Variants in ADGRB1 observed in about 807,000 individuals in gnomAD.
The protein encoded by ADGRB1 is brain-specific angiogenesis inhibitor 1.
In ADGRB1, 36 loss-of-function variants were observed where a neutral mutation model predicts 175.7. The observed-to-expected ratio is 0.20, with a 90% CI of 0.16 to 0.27. The LOEUF is 0.27. ADGRB1 is among the 10% of genes least tolerant of loss of function. The pLI is 1.00. For synonymous variants in ADGRB1, 1,054 were observed against 979.4 expected, an observed-to-expected ratio of 1.08 and a Z score of -1.42; for missense variants, 1,731 against 2,255.3, an observed-to-expected ratio of 0.77 and a Z score of 4.71.
At chr8:142,465,899 G>A (rs1840251784) in intron 2 of ADGRB1, among the ~76,000 whole-genome samples, 1 of 152,180 alleles carries the variant, frequency 6.6e-6, no homozygotes, top group Non-Finnish European at 1.5e-5. Flanking sequence ...GTCCTGTGGG[G>A]CTGCCAGCCT....
chr8:142,533,164 C>A, intron 24 of ADGRB1, 131 bp from the exon 25 acceptor site: 1 of 1,083,750 alleles, frequency 9.2e-7, no homozygotes, highest in Non-Finnish European at 1.3e-6. Flanking sequence ...GGCTGCTTGG[C>A]CCAGGCCCCC....
At chr8:142,534,305 G>T (rs1262269184) in intron 25 of ADGRB1, among the ~76,000 whole-genome samples, 1 of 152,236 alleles carries the variant, frequency 6.6e-6, no homozygotes, top group Non-Finnish European at 1.5e-5. Context: ...CCGGCCTTAG[G>T]TGGCGATTTC....
At chr8:142,518,291 C>T (rs1477759222) in intron 19 of ADGRB1, 50 bp downstream of exon 19, 2 of 1,573,666 alleles carry the variant, frequency 1.3e-6, no homozygotes, top group Admixed American at 1.7e-5. Context: ...TCCTGCATCA[C>T]ACGCCTCTTC....
chr8:142,462,554 C>G (rs1840025982), intron 1 of ADGRB1, among the ~76,000 whole-genome samples: 2 of 152,372 alleles, frequency 1.3e-5, no homozygotes, highest in East Asian at 3.9e-4. Flanking sequence ...GCCCAGCTCC[C>G]TGCTCTGCCT....
chr8:142,523,366 G>A lies in ADGRB1; in HGVS notation c.3245+656G>A, dbSNP rs62513301. 5.6e-3 allele frequency among the ~76,000 whole-genome samples: 846 copies of A among 150,100 alleles called. 5 individuals are homozygous for A. Among genetic ancestry groups the A allele is most frequent in the Non-Finnish European group, 9.3e-3 (629 of 67,638 alleles). The stretch of plus-strand genomic sequence containing the variant: ...TGCAGGGAGGGGAGCAGTGGGGAGC[G>A]CGAGGCAGGAGGAAGTGACTGATGC... On this transcript the variant is annotated intron_variant, in intron 22 of 30. Transcript: ENST00000517894.
rs994218757 is a variant in ADGRB1 at position 142,474,509 on chromosome 8, C to T, written c.785-965C>T. On this transcript the variant is annotated intron_variant, in intron 2 of 30. Coordinates refer to ENST00000517894, the MANE Select transcript of ADGRB1 (RefSeq NM_001702.3). The surrounding 1 kb of genome is among the most constrained non-coding windows in gnomAD (Gnocchi z 5.8). ...GAGGCCTGGACGCGGCAGCCCCTTC[C>T]CGGCCCCCTGGTGCTGCTGCCCCTC... is the stretch of plus-strand genomic sequence containing the variant. Among the ~76,000 whole-genome samples, 24 of 152,176 alleles carry T rather than the reference C, an allele frequency of 1.6e-4. 1 individual carries two copies. The highest frequency in any genetic ancestry group is 5.8e-4 in the African/African-American group (24 of 41,430).
Position 142,464,070 on chromosome 8 carries a change from ATCCC to A in ADGRB1, c.-128_-125del. On this transcript the variant is annotated 5_prime_UTR_variant, in exon 2 of 31. Transcript: ENST00000517894. ...GTCACCTGAAGCGGGGCCCTCTCCCATCCCACCCTTGCCCCGCCTCCCTGCCCCC... is the reference window on the plus strand; with the variant it reads ...GTCACCTGAAGCGGGGCCCTCTCCCAACCCTTGCCCCGCCTCCCTGCCCCC... 1.9e-6 allele frequency: 1 copy of A among 519,544 alleles called. No homozygotes were observed. The allele number at this position is 519,544 out of a possible 1,614,324, so 32.2% of individuals were successfully genotyped here.
chr8:142,505,801 C>T (rs992145493), intron 17 of ADGRB1, among the ~76,000 whole-genome samples: 1 of 152,186 alleles, frequency 6.6e-6, no homozygotes, highest in African/African-American at 2.4e-5. Flanking sequence ...GGGCGGCGGC[C>T]ACAGTAGCCA....
At chr8:142,525,391 A>G (rs1398890820) in intron 23 of ADGRB1, among the ~76,000 whole-genome samples, 3 of 151,552 alleles carry the variant, frequency 2.0e-5, no homozygotes, top group Non-Finnish European at 4.4e-5. Flanking sequence ...AGGATGTGTC[A>G]GGAAGGCAGG....
At position 142,510,915 on chromosome 8, in the gene ADGRB1, GT is replaced by G; in HGVS notation, c.2676-16del. On this transcript the variant is annotated splice_polypyrimidine_tract_variant and intron_variant, in intron 17 of 30. Coordinates refer to ENST00000517894, the MANE Select transcript of ADGRB1 (RefSeq NM_001702.3). The surrounding 1 kb of genome is among the most constrained non-coding windows in gnomAD (Gnocchi z 6.3). ...GACGCTCCGCCTGTCTCCCTCCCGT[GT>G]CCCGCCCGCCCCCAGACCCTCCTCC... The G allele has an allele frequency of 1.0e-5, 11 of 1,061,578 alleles. No individual in the cohort carries two copies. The highest frequency in any genetic ancestry group is 1.7e-5 in the African/African-American group (1 of 57,916). The allele number at this position is 1,061,578 out of a possible 1,614,324, so 65.8% of individuals were successfully genotyped here.
chr8:142,512,663 C>T (rs1188209789), intron 18 of ADGRB1, among the ~76,000 whole-genome samples: 1 of 152,164 alleles, frequency 6.6e-6, no homozygotes, highest in Non-Finnish European at 1.5e-5. Flanking sequence ...GTTTCCTCAC[C>T]TGTAAAAGGG....
chr8:142,491,303 A>G (rs1018937597), intron 17 of ADGRB1, among the ~76,000 whole-genome samples: 1 of 152,198 alleles, frequency 6.6e-6, no homozygotes, highest in Non-Finnish European at 1.5e-5. Flanking sequence ...GTTGCAGGCC[A>G]AGCACTTGTT....
At position 142,542,054 on chromosome 8, in the gene ADGRB1, A is replaced by G. The variant is rs1315144486; in HGVS notation, c.3820A>G (p.Thr1274Ala). 6.2e-7 allele frequency: 1 copy of G among 1,612,638 alleles called. No homozygotes were observed. The highest frequency in any genetic ancestry group is 2.2e-5 in the East Asian group (1 of 44,854). ...LKLAHAKGPP[T>A]NFNSLPANVS... is the part of the protein sequence containing the mutation. ...GCTGGCCCATGCCAAGGGGCCGCCC[A>G]CCAATTTCAACAGCCTGCCGGCCAA... The change falls in exon 28 of 31, where the codon ACC (threonine) becomes GCC (alanine). Residue 1274 changes from threonine (T) to alanine (A), a missense_variant. Around this residue, in one of 8 missense-constraint regions of ADGRB1, gnomAD observed 301 missense variants for 488.4 expected, o/e 0.62. Coordinates refer to ENST00000517894, the MANE Select transcript of ADGRB1 (RefSeq NM_001702.3). This position sits in a 1 kb window ranked among gnomAD's most constrained non-coding sequence, Gnocchi z 6.3.
At chr8:142,489,199 G>A (rs1225344393) in intron 15 of ADGRB1, 89 bp downstream of exon 15, 3 of 1,543,874 alleles carry the variant, frequency 1.9e-6, no homozygotes, top group Non-Finnish European at 1.8e-6. Context: ...GGGAGGCCAG[G>A]GGGCCTGGAG....
At position 142,477,411 on chromosome 8, in the gene ADGRB1, C is replaced by T; in HGVS notation, c.1249C>T (p.Pro417Ser). 1.2e-6 allele frequency: 2 copies of T among 1,610,080 alleles called. No individual in the cohort carries two copies. The highest frequency in any genetic ancestry group is 8.5e-7 in the Non-Finnish European group (1 of 1,179,752). Reference sequence around the variant, plus strand: ...GCATGGTGCCTGGGATGAGTGGTCGCCCTGGAGCCTCTGCTCCAGCACCTG... The same window carrying T: ...GCATGGTGCCTGGGATGAGTGGTCGTCCTGGAGCCTCTGCTCCAGCACCTG... ...PVHGAWDEWSPWSLCSSTCGR... is the reference protein window; with the variant it reads ...PVHGAWDEWSSWSLCSSTCGR... Residue 417 changes from proline to serine, a missense_variant, in exon 6 of 31, where the codon CCC (proline) becomes TCC (serine). Transcript: ENST00000517894.
Position 142,477,481 on chromosome 8 carries a change from A to C in ADGRB1, c.1319A>C (p.Gln440Pro). Residue 440 changes from glutamine (Q) to proline (P), a missense_variant, in exon 6 of 31, where the codon CAG (glutamine) becomes CCG (proline). By Grantham distance (76) the Gln-to-Pro change is moderately conservative. This residue lies in a region of ADGRB1 where 388 missense variants were observed against 630.9 expected (regional missense o/e 0.61). Coordinates refer to ENST00000517894, the MANE Select transcript of ADGRB1 (RefSeq NM_001702.3). ...CGCACGCGCACCTGCAGGCCCCCCC[A>C]GTTTGGGGGCAACCCCTGTGAGGGC... ...RDRTRTCRPPQFGGNPCEGPE... is the reference protein window; with the variant it reads ...RDRTRTCRPPPFGGNPCEGPE... 1 of 1,612,966 alleles carries C rather than the reference A, an allele frequency of 6.2e-7. No individual in the cohort carries two copies. Among genetic ancestry groups the C allele is most frequent in the East Asian group, 2.2e-5 (1 of 44,876 alleles).
intron 6 of ADGRB1, 33 bp downstream of exon 6, chr8:142,477,582 G>A (rs1334832808): frequency 6.3e-7 from 1 of 1,595,612 alleles, no homozygotes; most frequent in Admixed American, 1.7e-5. Context: ...GGGCAGGGAG[G>A]AAGGGAAGAA....
intron 11 of ADGRB1, among the ~76,000 whole-genome samples, chr8:142,482,595 C>T (rs1354777601): frequency 4.7e-5 from 7 of 148,862 alleles, no homozygotes; most frequent in African/African-American, 1.0e-4. Context: ...GAGCCCTGAC[C>T]CTCGTCACAT....
intron 6 of ADGRB1, 64 bp from the exon 7 acceptor site, chr8:142,478,123 A>T (rs541511137): frequency 2.3e-5 from 35 of 1,551,504 alleles, no homozygotes; most frequent in Non-Finnish European, 2.8e-5. Flanking sequence ...TCACACCCAC[A>T]TTCCAAGCCA....
Sources: allele counts gnomAD v4.1 joint callset (sites outside exome capture counted in the v4.1 genomes callset), GRCh38; gene constraint gnomAD v4.1.1; regional missense constraint gnomAD v4.1.1; non-coding constraint Gnocchi (gnomAD v3.1); transcripts MANE v1.5; gene names NCBI Gene and HGNC (gene_info 2026-07-23, HGNC 2026-07-21).